Variants in DLG2 observed in about 807,000 individuals in gnomAD.
DLG2 encodes the protein discs large MAGUK scaffold protein 2, also known as disks large homolog 2.
DLG2 carries 45 observed loss-of-function variants against 132.5 expected under a neutral mutation model. That is an observed-to-expected ratio of 0.34 (90% CI 0.27 to 0.44). DLG2 has a LOEUF of 0.44. Ranked by LOEUF, DLG2 falls within the 20% of genes least tolerant of loss-of-function variation. The probability of loss-of-function intolerance (pLI) is 1.00; values close to 1 mark genes in which losing one functional copy is unlikely to be tolerated. For missense variants in DLG2, 1,045 were observed against 1,196.9 expected, an observed-to-expected ratio of 0.87 and a Z score of 1.87; for synonymous variants, 424 against 419.6, an observed-to-expected ratio of 1.01 and a Z score of -0.13.
intron 18 of DLG2, among the ~76,000 whole-genome samples, chr11:83,702,543 A>G (rs2083147279): frequency 6.6e-6 from 1 of 152,172 alleles, no homozygotes; most frequent in Admixed American, 6.5e-5. Flanking sequence ...GAAAGAAATG[A>G]GTCTGTTGGG....
chr11:83,673,430 A>G (rs2077161820), intron 18 of DLG2, among the ~76,000 whole-genome samples: 1 of 152,232 alleles, frequency 6.6e-6, no homozygotes, highest in African/African-American at 2.4e-5. Flanking sequence ...AATTATAATG[A>G]GTTTAGCTAG....
chr11:85,288,948 C>T (rs1045318806), intron 3 of DLG2, among the ~76,000 whole-genome samples: 2 of 151,946 alleles, frequency 1.3e-5, no homozygotes, highest in Admixed American at 1.3e-4. Context: ...AGCTGTACTT[C>T]GAAACATAAC....
intron 3 of DLG2, among the ~76,000 whole-genome samples, chr11:85,324,655 A>G (rs909002121): frequency 6.6e-6 from 1 of 152,202 alleles, no homozygotes; most frequent in Non-Finnish European, 1.5e-5. Context: ...AAAGCTACAC[A>G]AGAGGTTTTG....
intron 18 of DLG2, among the ~76,000 whole-genome samples, chr11:83,701,987 G>A (rs1008369163): frequency 6.6e-6 from 1 of 152,180 alleles, no homozygotes; most frequent in African/African-American, 2.4e-5. Flanking sequence ...ACATCCTGAG[G>A]CTATTCCACA....
At chr11:83,608,215 T>C (rs554904935) in intron 19 of DLG2, among the ~76,000 whole-genome samples, 28 of 152,316 alleles carry the variant, frequency 1.8e-4, no homozygotes, top group African/African-American at 6.3e-4. Context: ...CCAAACATCA[T>C]AGCTTAGCCT....
chr11:84,598,069 T>C (rs1185754947), intron 6 of DLG2, among the ~76,000 whole-genome samples: 1 of 152,218 alleles, frequency 6.6e-6, no homozygotes, highest in Non-Finnish European at 1.5e-5. Flanking sequence ...TTTATTAAGA[T>C]ATCCAAAGTT....
intron 6 of DLG2, among the ~76,000 whole-genome samples, chr11:84,727,106 T>C (rs187545830): frequency 6.6e-6 from 1 of 152,244 alleles, no homozygotes; most frequent in Non-Finnish European, 1.5e-5. Context: ...ATTAATTAGA[T>C]CCTGTTTGTC....
At chr11:83,743,429 A>ATT (rs35572754) in intron 18 of DLG2, among the ~76,000 whole-genome samples, 2,668 of 103,786 alleles carry the variant, frequency 0.026, 150 homozygotes, top group Non-Finnish European at 0.029. Context: ...TGGGCAGGCC[A>ATT]TTTTTTTTTT....
chr11:84,765,480 C>A (rs1318650123), intron 6 of DLG2, among the ~76,000 whole-genome samples: 1 of 152,202 alleles, frequency 6.6e-6, no homozygotes, highest in South Asian at 2.1e-4. Context: ...ACTGCCTTCT[C>A]AAAATCCTGG....
chr11:83,497,433 G>A (rs1448787034), intron 21 of DLG2, among the ~76,000 whole-genome samples: 1 of 152,120 alleles, frequency 6.6e-6, no homozygotes, highest in African/African-American at 2.4e-5. Flanking sequence ...TACTCAGGAG[G>A]CTGAGACAGG....
intron 3 of DLG2, among the ~76,000 whole-genome samples, chr11:85,520,433 C>T (rs1265355954): frequency 2.6e-5 from 4 of 151,678 alleles, no homozygotes; most frequent in Admixed American, 2.6e-4. Flanking sequence ...AGAAGTCTGC[C>T]AGGTTCAATG....
intron 6 of DLG2, among the ~76,000 whole-genome samples, chr11:84,926,323 G>A (rs1160819983): frequency 6.6e-6 from 1 of 152,020 alleles, no homozygotes; most frequent in Non-Finnish European, 1.5e-5. Flanking sequence ...GGCAAATTAT[G>A]ATTGATGTAG....
intron 3 of DLG2, among the ~76,000 whole-genome samples, chr11:85,525,735 C>G (rs543087548): frequency 1.3e-5 from 2 of 152,180 alleles, no homozygotes; most frequent in African/African-American, 4.8e-5. Context: ...AGATTACTGC[C>G]AGGAGAATAT....
At chr11:84,241,442 C>T (rs1323254627) in intron 8 of DLG2, among the ~76,000 whole-genome samples, 1 of 152,174 alleles carries the variant, frequency 6.6e-6, no homozygotes, top group East Asian at 1.9e-4. Flanking sequence ...ATAATTTAAG[C>T]TGAACCCTTT....
intron 6 of DLG2, among the ~76,000 whole-genome samples, chr11:84,775,398 A>C (rs765110497): frequency 4.6e-5 from 7 of 152,198 alleles, no homozygotes; most frequent in Admixed American, 1.3e-4. Flanking sequence ...CAGAACTACT[A>C]TTCAACCCAG....
chr11:85,358,777 T>G (rs2083928759), intron 3 of DLG2, among the ~76,000 whole-genome samples: 1 of 152,340 alleles, frequency 6.6e-6, no homozygotes, highest in African/African-American at 2.4e-5. Flanking sequence ...AAATAATTGC[T>G]TATTGAATGT....
chr11:83,747,354 GCCTTCCTTCCTGTC>G (rs2092998988), intron 18 of DLG2, among the ~76,000 whole-genome samples: 14 of 130,670 alleles, frequency 1.1e-4, no homozygotes, highest in African/African-American at 2.7e-4. Flanking sequence ...CTTCCTTCCT[GCCTTCCTTCCTGTC>G]TCTCTCTCTC....
chr11:85,426,331 C>T (rs914809186), intron 3 of DLG2, among the ~76,000 whole-genome samples: 4 of 152,202 alleles, frequency 2.6e-5, no homozygotes, highest in Admixed American at 6.5e-5. Flanking sequence ...ACTGCCTCCC[C>T]AAGTGGGTCC....
At chr11:84,188,556 G>A (rs1221969039) in intron 8 of DLG2, among the ~76,000 whole-genome samples, 5 of 152,110 alleles carry the variant, frequency 3.3e-5, no homozygotes, top group African/African-American at 9.6e-5. Flanking sequence ...AGAATCTTTG[G>A]GAACTTCAGT....
Sources: gnomAD v4.1 joint callset for allele counts (sites outside exome capture counted in the v4.1 genomes callset) on GRCh38, gnomAD v4.1.1 for gene constraint, MANE v1.5 for transcripts, NCBI Gene and HGNC (gene_info 2026-07-23, HGNC 2026-07-21) for gene names.